The following ARHGAP12 variants were observed in gnomAD, a reference collection of about 807,000 sequenced individuals.
ARHGAP12 encodes the protein Rho GTPase activating protein 12.
Under a neutral mutation model 108.6 loss-of-function variants are expected in ARHGAP12, and 64 were observed. The ratio of observed to expected loss-of-function variants is 0.59; its 90% CI spans 0.48 to 0.73. The LOEUF (loss-of-function observed/expected upper bound fraction) is 0.73. Among genes scored for constraint, ARHGAP12 ranks in the 30% least tolerant of loss-of-function variants. ARHGAP12 has a pLI of 0.00. For missense variants in ARHGAP12, 940 were observed against 1,005.9 expected, an observed-to-expected ratio of 0.93 and a Z score of 0.89; for synonymous variants, 312 against 337.2, an observed-to-expected ratio of 0.93 and a Z score of 0.82.
chr10:31,853,920 T>C, intron 5 of ARHGAP12, 146 bp downstream of exon 5: 6 of 852,062 alleles, frequency 7.0e-6, no homozygotes, highest in Non-Finnish European at 1.0e-5. Flanking sequence ...CACTGAGTTT[T>C]CGTATTGTCA....
At position 31,908,375 on chromosome 10, in the gene ARHGAP12, T is replaced by A; in HGVS notation, c.481A>T (p.Asn161Tyr). The A allele has an allele frequency of 3.7e-6, 6 of 1,614,192 alleles. No homozygotes were observed. The highest frequency in any genetic ancestry group is 5.1e-6 in the Non-Finnish European group (6 of 1,180,036). The change falls in exon 3 of 20, where the codon AAT becomes TAT. Residue 161 changes from asparagine (N) to tyrosine (Y), a missense_variant. Coordinates refer to ENST00000344936, the MANE Select transcript of ARHGAP12 (RefSeq NM_018287.7). ...GAAACTTTAGGAGAATGTGAGTCAT[T>A]GTTAAACTTTCCGTTATTATGGGTC... is the stretch of plus-strand genomic sequence containing the variant. ...DLTHNNGKFNNDSHSPKVSSQ... is the reference protein window; with the variant it reads ...DLTHNNGKFNYDSHSPKVSSQ...
At chr10:31,903,107 G>A (rs999701805) in intron 3 of ARHGAP12, among the ~76,000 whole-genome samples, 1 of 152,110 alleles carries the variant, frequency 6.6e-6, no homozygotes, top group Non-Finnish European at 1.5e-5. Context: ...TAACAACGGG[G>A]ATATTTTCTG....
chr10:31,844,203 T>G (rs185228182), intron 6 of ARHGAP12, among the ~76,000 whole-genome samples: 2 of 152,202 alleles, frequency 1.3e-5, no homozygotes, highest in African/African-American at 4.8e-5. Flanking sequence ...AGAGAAGGTG[T>G]TTTGTTTAAT....
At chr10:31,820,517 T>C in intron 11 of ARHGAP12, 29 bp from the exon 12 acceptor site, 1 of 1,451,000 alleles carries the variant, frequency 6.9e-7, no homozygotes, top group South Asian at 1.3e-5. Context: ...AAAAAAACCT[T>C]CATGTGATAC....
intron 13 of ARHGAP12, among the ~76,000 whole-genome samples, chr10:31,816,632 G>A (rs1022044434): frequency 6.6e-6 from 1 of 152,182 alleles, no homozygotes; most frequent in African/African-American, 2.4e-5. Context: ...GACAGATTGG[G>A]CCTACACCGC....
rs1384174085 is a variant in ARHGAP12 at position 31,867,856 on chromosome 10, C to CT, written c.685-6199_685-6198insA. Among the ~76,000 whole-genome samples, 364 of 151,300 alleles carry CT rather than the reference C, an allele frequency of 2.4e-3. 3 individuals are homozygous for CT. Among genetic ancestry groups the CT allele is most frequent in the African/African-American group, 8.4e-3 (347 of 41,186 alleles). On this transcript the variant is annotated intron_variant, in intron 3 of 19. Transcript: ENST00000344936. ...GCAAATCATGACTCAACAGATGAGG[C>CT]AATACTAATACTAGCAGTGAAAATG...
rs554699063 is a variant in ARHGAP12, at chr10:31,882,115, C to T, written c.685-20457G>A. Among the ~76,000 whole-genome samples the T allele has an allele frequency of 2.6e-5, 4 of 151,974 alleles. No homozygotes were observed. In the South Asian group the frequency reaches 6.2e-4, roughly 24 times the overall value. ...ATTTTTAGTAGAGACGGGGTTTCAC[C>T]GTTTTAGCCGGGATGGTCTCGATCT... is the stretch of plus-strand genomic sequence containing the variant. On this transcript the variant is annotated intron_variant, in intron 3 of 19. Transcript: ENST00000344936.
Position 31,807,680 on chromosome 10 carries a change from A to G in ARHGAP12, c.2519T>C (p.Leu840Pro). The G allele has an allele frequency of 6.2e-7, 1 of 1,602,326 alleles. No individual in the cohort carries two copies. ...NQIVELILLE[L>P]SSIFGR ...GAATCAACGTCCGAAGATGGAACTCAGTTCCAGAAGAATTAATTCTACAAT... is the reference window on the plus strand; with the variant it reads ...GAATCAACGTCCGAAGATGGAACTCGGTTCCAGAAGAATTAATTCTACAAT... Residue 840 changes from leucine (L) to proline (P), a missense_variant, in exon 20 of 20, where the codon CTG becomes CCG. Leu to Pro is a moderately conservative substitution (Grantham distance 98). Coordinates refer to ENST00000344936, the MANE Select transcript of ARHGAP12 (RefSeq NM_018287.7).
chr10:31,882,376 T>C (rs16932767), intron 3 of ARHGAP12, among the ~76,000 whole-genome samples: 7,820 of 146,914 alleles, frequency 0.053, 665 homozygotes, highest in African/African-American at 0.18. Context: ...CCTGGAGACA[T>C]TCCACACTAA....
Position 31,898,738 on chromosome 10 carries a change from G to C in ARHGAP12, c.684+9434C>G, listed in dbSNP as rs183785913. Among the ~76,000 whole-genome samples, 316 of 152,274 alleles carry C rather than the reference G, an allele frequency of 2.1e-3. 1 individual carries two copies. Among genetic ancestry groups the C allele is most frequent in the Non-Finnish European group, 3.5e-3 (240 of 68,026 alleles). On this transcript the variant is annotated intron_variant, in intron 3 of 19. Coordinates refer to ENST00000344936, the MANE Select transcript of ARHGAP12 (RefSeq NM_018287.7). ...TTCAGGACAGTCACATGCTGTACAG[G>C]TTTGTAGCCTAGGAGCAACGGGCTA...
At chr10:31,918,102 C>T (rs1178107142) in intron 1 of ARHGAP12, among the ~76,000 whole-genome samples, 5 of 152,140 alleles carry the variant, frequency 3.3e-5, no homozygotes, top group Non-Finnish European at 5.9e-5. Flanking sequence ...ACTACAGGTA[C>T]GTACCACCAC....
chr10:31,893,822 G>A (rs1027404848), intron 3 of ARHGAP12, among the ~76,000 whole-genome samples: 3 of 152,156 alleles, frequency 2.0e-5, no homozygotes, highest in Non-Finnish European at 4.4e-5. Flanking sequence ...CAATATCCCT[G>A]ACGAACATCA....
chr10:31,827,785 C>T (rs942675485), intron 10 of ARHGAP12, among the ~76,000 whole-genome samples: 6 of 149,684 alleles, frequency 4.0e-5, no homozygotes, highest in Admixed American at 2.0e-4. Context: ...AGTGAGACTC[C>T]GTCACCCAGA....
intron 3 of ARHGAP12, among the ~76,000 whole-genome samples, chr10:31,906,871 C>T (rs1839154055): frequency 6.6e-6 from 1 of 152,088 alleles, no homozygotes; most frequent in Admixed American, 6.5e-5. Context: ...CCCATTAGTT[C>T]CCTGAGGAGC....
chr10:31,926,902 T>G (rs559299278), intron 1 of ARHGAP12, among the ~76,000 whole-genome samples: 50 of 152,306 alleles, frequency 3.3e-4, no homozygotes, highest in African/African-American at 1.1e-3. Flanking sequence ...TAATTATATA[T>G]GAACAACTAA....
intron 1 of ARHGAP12, among the ~76,000 whole-genome samples, chr10:31,925,155 T>C (rs902735168): frequency 2.6e-5 from 4 of 152,186 alleles, no homozygotes; most frequent in Non-Finnish European, 4.4e-5. Flanking sequence ...AAATAGTGCA[T>C]GGAGCATGGC....
At chr10:31,911,075 G>A (rs575245788) in intron 1 of ARHGAP12, among the ~76,000 whole-genome samples, 8 of 152,166 alleles carry the variant, frequency 5.3e-5, no homozygotes, top group African/African-American at 1.9e-4. Context: ...CCAGGCTGGA[G>A]TACAGTGGCA....
chr10:31,848,850 A>T (rs988500331), intron 6 of ARHGAP12, among the ~76,000 whole-genome samples: 1 of 152,168 alleles, frequency 6.6e-6, no homozygotes, highest in Non-Finnish European at 1.5e-5. Flanking sequence ...AGGTGGGCAG[A>T]TCACAAGGTC....
Position 31,820,399 on chromosome 10 carries a change from C to A in ARHGAP12, c.1620G>T (p.Lys540Asn). The change falls in exon 12 of 20, where the codon AAG becomes AAT. Residue 540 changes from lysine (K) to asparagine (N), a missense_variant. By Grantham distance (94) the Lys-to-Asn change is moderately conservative (BLOSUM62 0). Transcript: ENST00000344936. The part of the protein sequence containing the change: ...EMASKDKSSK[K>N]NVFELKTRQG... ...AAAAATGTATTACCTCAAATACATT[C>A]TTTTTGCTGGATTTATCCTTTGAAG... is the stretch of plus-strand genomic sequence containing the variant. 6.2e-7 allele frequency: 1 copy of A among 1,610,280 alleles called. No individual in the cohort carries two copies. Among genetic ancestry groups the A allele is most frequent in the East Asian group, 2.2e-5 (1 of 44,618 alleles).
Sources: allele counts gnomAD v4.1 joint callset (sites outside exome capture counted in the v4.1 genomes callset), GRCh38; gene constraint gnomAD v4.1.1; transcripts MANE v1.5; gene names NCBI Gene and HGNC (gene_info 2026-07-23, HGNC 2026-07-21).